The following CLSPN variants were observed in gnomAD, a reference collection of about 807,000 sequenced individuals.
The protein encoded by CLSPN is claspin homolog.
A neutral mutation model predicts 156.3 loss-of-function variants in CLSPN; 85 were observed. The ratio of observed to expected loss-of-function variants is 0.54; its 90% CI spans 0.46 to 0.65. The LOEUF (loss-of-function observed/expected upper bound fraction) is 0.65, where lower values mean the gene tolerates loss of function less well. Among genes scored for constraint, CLSPN ranks in the 30% least tolerant of loss-of-function variants. The probability of loss-of-function intolerance (pLI) is 0.00; values close to 1 mark genes in which losing one functional copy is unlikely to be tolerated. For missense variants in CLSPN, 1,407 were observed against 1,554.9 expected, an observed-to-expected ratio of 0.90 and a Z score of 1.60; for synonymous variants, 534 against 542.4, an observed-to-expected ratio of 0.98 and a Z score of 0.22.
At chr1:35,726,905 G>A (rs913593188) in intron 24 of CLSPN, among the ~76,000 whole-genome samples, 2 of 152,196 alleles carry the variant, frequency 1.3e-5, no homozygotes, top group Non-Finnish European at 2.9e-5. Flanking sequence ...AGTCAGGAGG[G>A]TGAACACCCT....
At position 35,751,346 on chromosome 1, in the gene CLSPN, T is replaced by A. The variant is rs772730164; in HGVS notation, c.1932A>T (p.Glu644Asp). 6 of 1,598,452 alleles carry A rather than the reference T, an allele frequency of 3.8e-6. No individual in the cohort carries two copies. The East Asian group carries it at 6.7e-5, about 18-fold the overall frequency. Residue 644 changes from glutamate (E) to aspartate (D), a missense_variant, in exon 10 of 25, where the codon GAA (glutamate) becomes GAT (aspartate). Physicochemically the swap from Glu to Asp is conservative, Grantham distance 45. This residue lies in a region of CLSPN where 1,096 missense variants were observed against 1,193.0 expected (regional missense o/e 0.92). Transcript: ENST00000318121. The stretch of plus-strand genomic sequence containing the variant: ...CTTTCTCTACCTTCTCTTCTCCATC[T>A]TCCTCAGACTCATCTGTCATTTCTT... ...EEEEMTDESEEDGEEKVEKEE... is the reference protein window; with the variant it reads ...EEEEMTDESEDDGEEKVEKEE...
rs764668951 is a variant in CLSPN, at chr1:35,762,506, G to C, written c.745-25C>G. The C allele has an allele frequency of 4.4e-6, 7 of 1,588,420 alleles. No individual in the cohort carries two copies. The East Asian group carries it at 1.6e-4, about 36-fold the overall frequency. On this transcript the variant is annotated intron_variant, in intron 4 of 24. Coordinates refer to ENST00000318121, the MANE Select transcript of CLSPN (RefSeq NM_022111.4). Reference sequence around the variant, plus strand: ...TCTAAAAGAAATGGCAGGTTGATTAGGACAAAAACGAAATTCAAATAAGAG... The same window carrying C: ...TCTAAAAGAAATGGCAGGTTGATTACGACAAAAACGAAATTCAAATAAGAG...
chr1:35,730,389 C>T (rs1158272081), downstream of CLSPN, among the ~76,000 whole-genome samples: 1 of 151,580 alleles, frequency 6.6e-6, no homozygotes, highest in African/African-American at 2.4e-5. Flanking sequence ...ACTAAAAATA[C>T]AAAAATTAGC....
rs114459057 is a variant in CLSPN, at chr1:35,745,550, G to A, written c.2867C>T (p.Pro956Leu). Residue 956 changes from proline to leucine, a missense_variant, in exon 16 of 25, where the codon CCA becomes CTA. Transcript: ENST00000318121. ...GKFTSQDAST[P>L]ASSELNKQEK... ...CTGTTTATTTAACTCTGATGAGGCT[G>A]GAGTGGAGGCATCTACATCACAACA... 54 of 1,611,220 alleles carry A rather than the reference G, an allele frequency of 3.4e-5. No individual in the cohort carries two copies. The African/African-American group carries it at 6.9e-4, about 21-fold the overall frequency.
rs192373764 is a variant in CLSPN, at chr1:35,753,096, T to C, written c.1771+649A>G. Among the ~76,000 whole-genome samples, 71 of 152,292 alleles carry C rather than the reference T, an allele frequency of 4.7e-4. 1 individual carries two copies. In the East Asian group the frequency reaches 0.012, roughly 25 times the overall value. On this transcript the variant is annotated intron_variant, in intron 9 of 24. Coordinates refer to ENST00000318121, the MANE Select transcript of CLSPN (RefSeq NM_022111.4). ...ACATTATAGGTGGGTTGTTTTGTTT[T>C]GGGTTTTTTGTTTTGAGACAGGGTC...
downstream of CLSPN, among the ~76,000 whole-genome samples, chr1:35,730,761 G>A (rs1304274485): frequency 6.6e-6 from 1 of 152,112 alleles, no homozygotes; most frequent in Non-Finnish European, 1.5e-5. Flanking sequence ...CCCTTGGGAG[G>A]CTGAGGCAGA....
In CLSPN at chr1:35,739,426, C is replaced by T. The variant is rs748432048; in HGVS notation, c.3247G>A (p.Val1083Ile). ...GEEIDEYEED[V>I]IDEVLPSDEE... ...TCAGAAGGAAGTACTTCATCAATTA[C>T]GTCCTCTTCATATTCATCAATTTCT... The change falls in exon 19 of 25, where the codon GTA becomes ATA. Residue 1083 changes from valine (V) to isoleucine (I), a missense_variant. By Grantham distance (29) the Val-to-Ile change is conservative (BLOSUM62 3). Transcript: ENST00000318121. 4.3e-6 allele frequency: 7 copies of T among 1,613,834 alleles called. No individual in the cohort carries two copies. In the African/African-American group the frequency reaches 6.7e-5, roughly 15 times the overall value.
downstream of CLSPN, among the ~76,000 whole-genome samples, chr1:35,729,457 T>C (rs1641267193): frequency 6.6e-6 from 1 of 151,972 alleles, no homozygotes; most frequent in Non-Finnish European, 1.5e-5. Context: ...ACTAAATCAA[T>C]AAACTGAAAA....
At chr1:35,767,886 C>G (rs564745518) in intron 1 of CLSPN, among the ~76,000 whole-genome samples, 1 of 152,088 alleles carries the variant, frequency 6.6e-6, no homozygotes, top group African/African-American at 2.4e-5. Context: ...TAAAAAGTCG[C>G]AAATAAAAAC....
intron 8 of CLSPN, 70 bp from the exon 9 acceptor site, chr1:35,754,006 T>G: frequency 1.4e-6 from 2 of 1,438,880 alleles, no homozygotes; most frequent in South Asian, 2.6e-5. Context: ...ACTTATAAGC[T>G]AAGTTTTTTT....
chr1:35,736,689 A>C, intron 24 of CLSPN, 83 bp from the exon 25 acceptor site: 1 of 1,510,806 alleles, frequency 6.6e-7, no homozygotes. Flanking sequence ...GCAACTCATA[A>C]ATTGTGGATG....
At chr1:35,759,318 T>C (rs1642396269) in intron 8 of CLSPN, among the ~76,000 whole-genome samples, 2 of 152,252 alleles carry the variant, frequency 1.3e-5, no homozygotes, top group Admixed American at 1.3e-4. Flanking sequence ...GTCTTTTAAC[T>C]ATTCATTGGA....
downstream of CLSPN, among the ~76,000 whole-genome samples, chr1:35,731,923 AT>A (rs1279846950): frequency 6.6e-6 from 1 of 152,200 alleles, no homozygotes; most frequent in Non-Finnish European, 1.5e-5. Flanking sequence ...ATATGATATA[AT>A]TGTGATACTG....
In CLSPN at chr1:35,764,502, C is replaced by A; in HGVS notation, c.346G>T (p.Glu116Ter). 1.2e-6 allele frequency: 2 copies of A among 1,614,016 alleles called. No individual in the cohort carries two copies. The highest frequency in any genetic ancestry group is 1.7e-6 in the Non-Finnish European group (2 of 1,179,968). Reference protein sequence around the residue: ...TVADSDESYMEKSLYQENLEA... With the variant: ...TVADSDESYM ...AGATTTTCCTGATACAAAGACTTTT[C>A]CATGTAACTTTCATCACTGTCTGCC... The change falls in exon 3 of 25, where the codon GAA becomes TAA. Residue 116 changes from glutamate to a stop codon, truncating the protein, a stop_gained. Coordinates refer to ENST00000318121, the MANE Select transcript of CLSPN (RefSeq NM_022111.4). LOFTEE classifies it high-confidence loss of function.
rs1641855983 is a variant in CLSPN, at chr1:35,745,671, C to A, written c.2855-109G>T. 4.2e-6 allele frequency: 3 copies of A among 716,078 alleles called. No homozygotes were observed. In the African/African-American group the frequency reaches 5.3e-5, roughly 13 times the overall value. The allele number at this position is 716,078 out of a possible 1,614,324, so 44.4% of individuals were successfully genotyped here. A position where few individuals can be genotyped will look rare whatever the true frequency, so the allele number is the denominator to read the frequency against. On this transcript the variant is annotated intron_variant, in intron 15 of 24. Transcript: ENST00000318121. ...CGATACAGTTCTAAGGTAAGCTTGC[C>A]AAGAAGAGCCTACCATCTATTCATT...
chr1:35,754,785 G>A (rs1309987258), intron 8 of CLSPN, among the ~76,000 whole-genome samples: 1 of 152,050 alleles, frequency 6.6e-6, no homozygotes, highest in East Asian at 1.9e-4. Context: ...AGTACAATTG[G>A]TACAATGAGA....
Position 35,761,161 on chromosome 1 carries a change from G to T in CLSPN, c.939C>A (p.Thr313=), listed in dbSNP as rs770504065. 6.8e-6 allele frequency: 11 copies of T among 1,613,742 alleles called. No homozygotes were observed. The highest frequency in any genetic ancestry group is 9.3e-6 in the Non-Finnish European group (11 of 1,179,722). The change falls in exon 7 of 25, where the codon ACC becomes ACA. Residue 313 remains threonine, a synonymous_variant. Coordinates refer to ENST00000318121, the MANE Select transcript of CLSPN (RefSeq NM_022111.4). ...GTTTACGTTTGAAGAAATCATGAAT[G>T]GTTTTATTCTCAGGCATATGATATG... ...NLPYHMPENK[T]IHDFFKRKPR...
At chr1:35,720,745 C>T in exon 25 of CLSPN, 2 of 526,144 alleles carry the variant, frequency 3.8e-6, no homozygotes, top group Non-Finnish European at 6.6e-6. Context: ...CATGCCTGGC[C>T]CAAATCCTCA....
chr1:35,721,784 G>A (rs1040910437), intron 24 of CLSPN, among the ~76,000 whole-genome samples: 8 of 151,988 alleles, frequency 5.3e-5, no homozygotes, highest in Admixed American at 1.3e-4. Flanking sequence ...CACAACCACC[G>A]CTACCTCTTC....
Sources: gnomAD v4.1 joint callset for allele counts (sites outside exome capture counted in the v4.1 genomes callset) on GRCh38, gnomAD v4.1.1 for gene constraint, gnomAD v4.1.1 regional missense constraint, MANE v1.5 for transcripts, NCBI Gene and HGNC (gene_info 2026-07-23, HGNC 2026-07-21) for gene names.